CNOT6: variants seen among roughly 807,000 people sequenced by gnomAD.
The protein encoded by CNOT6 is CCR4-NOT transcription complex subunit 6, also known as carbon catabolite repression 4 protein.
A neutral mutation model predicts 61.2 loss-of-function variants in CNOT6; 12 were observed. The observed-to-expected ratio is 0.20, with a 90% confidence interval of 0.13 to 0.32. The LOEUF (loss-of-function observed/expected upper bound fraction) is 0.32, where lower values mean the gene tolerates loss of function less well. Ranked by LOEUF, CNOT6 falls within the 10% of genes least tolerant of loss-of-function variation. CNOT6 has a pLI of 1.00. For synonymous variants in CNOT6, 225 were observed against 240.6 expected (o/e 0.94, Z 0.60); for missense variants, 405 against 663.9 (o/e 0.61, Z 4.28).
At chr5:180,552,790 C>G (rs1759689626) in intron 3 of CNOT6, among the ~76,000 whole-genome samples, 1 of 152,020 alleles carries the variant, frequency 6.6e-6, no homozygotes, top group South Asian at 2.1e-4. Flanking sequence ...ATTATCTCTG[C>G]AAAACAAATC....
At chr5:180,516,215 T>C (rs1003865692) in intron 1 of CNOT6, among the ~76,000 whole-genome samples, 1 of 145,602 alleles carries the variant, frequency 6.9e-6, no homozygotes, top group Non-Finnish European at 1.5e-5. Context: ...GGAGACTTGC[T>C]CAGTCACCAG....
At chr5:180,552,437 C>A (rs113317605) in intron 3 of CNOT6, among the ~76,000 whole-genome samples, 1 of 151,360 alleles carries the variant, frequency 6.6e-6, no homozygotes, top group Non-Finnish European at 1.5e-5. Context: ...GTCTGGAGAT[C>A]GAGACCATCC....
chr5:180,528,992 T>C (rs1266023553), intron 1 of CNOT6, among the ~76,000 whole-genome samples: 1 of 151,998 alleles, frequency 6.6e-6, no homozygotes, highest in African/African-American at 2.4e-5. Context: ...GGGCGGATCA[T>C]GAGGTCAGGA....
intron 2 of CNOT6, among the ~76,000 whole-genome samples, chr5:180,549,636 G>C (rs143266454): frequency 6.6e-6 from 1 of 151,552 alleles, no homozygotes; most frequent in Non-Finnish European, 1.5e-5. Context: ...GCAACAGAGC[G>C]AGACTCCGTT....
At chr5:180,537,178 A>T (rs1404231390) in intron 2 of CNOT6, among the ~76,000 whole-genome samples, 1 of 152,218 alleles carries the variant, frequency 6.6e-6, no homozygotes, top group Non-Finnish European at 1.5e-5. Flanking sequence ...ACGAGGCATG[A>T]TTGCTGAATT....
At chr5:180,501,401 C>T (rs1465608903) in intron 1 of CNOT6, among the ~76,000 whole-genome samples, 2 of 152,094 alleles carry the variant, frequency 1.3e-5, no homozygotes, top group Non-Finnish European at 2.9e-5. Context: ...CAGATTTGGA[C>T]GAGGAAAGTA....
chr5:180,549,768 G>A (rs1759503672), intron 2 of CNOT6, among the ~76,000 whole-genome samples, 163 bp from the exon 3 acceptor site: 1 of 152,116 alleles, frequency 6.6e-6, no homozygotes, highest in South Asian at 2.1e-4. Context: ...CTTAATCATA[G>A]CAATGAATCG....
intron 1 of CNOT6, among the ~76,000 whole-genome samples, chr5:180,518,171 G>A (rs1002763711): frequency 6.6e-6 from 1 of 152,110 alleles, no homozygotes. Flanking sequence ...ATTTCATTGT[G>A]ATTATGATTC....
At chr5:180,520,996 C>CA (rs2127713205) in intron 1 of CNOT6, among the ~76,000 whole-genome samples, 1 of 152,040 alleles carries the variant, frequency 6.6e-6, no homozygotes, top group Admixed American at 6.6e-5. Context: ...GGGCACCCGC[C>CA]ACCACACCCA....
Position 180,574,058 on chromosome 5 carries a change from A to G in CNOT6, c.1532A>G (p.His511Arg), listed in dbSNP as rs746692785. 1 of 1,613,934 alleles carries G rather than the reference A, an allele frequency of 6.2e-7. No homozygotes were observed. Among genetic ancestry groups the G allele is most frequent in the African/African-American group, 1.3e-5 (1 of 74,914 alleles). The change falls in exon 12 of 12, where the codon CAC (histidine) becomes CGC (arginine). Residue 511 changes from histidine (H) to arginine (R), a missense_variant. This residue lies in a region of CNOT6 where 52 missense variants were observed against 69.3 expected (regional missense o/e 0.75). Coordinates refer to ENST00000261951, the MANE Select transcript of CNOT6 (RefSeq NM_001370472.1). ...TTAGGCATCCTGGGCCCTCTGGACC[A>G]CCACTGGCTGGTTGAGAATAACATC... ...NTLGILGPLD[H>R]HWLVENNISG...
At chr5:180,543,316 C>T (rs1293241302) in intron 2 of CNOT6, among the ~76,000 whole-genome samples, 1 of 149,496 alleles carries the variant, frequency 6.7e-6, no homozygotes, top group Non-Finnish European at 1.5e-5. Context: ...ACCTCGGCCT[C>T]CCAAAGTGCT....
At chr5:180,516,182 A>G (rs1581485228) in intron 1 of CNOT6, among the ~76,000 whole-genome samples, 1 of 137,952 alleles carries the variant, frequency 7.2e-6, no homozygotes, top group African/African-American at 2.7e-5. Flanking sequence ...AAAATTCAGG[A>G]TTTTTTTTTT....
intron 1 of CNOT6, among the ~76,000 whole-genome samples, chr5:180,517,604 C>T (rs1757697357): frequency 6.6e-6 from 1 of 151,346 alleles, no homozygotes; most frequent in Admixed American, 6.6e-5. Context: ...AGTGCAGTGG[C>T]GCGATCTTGG....
rs554570000 is a variant in CNOT6 at position 180,531,180 on chromosome 5, C to T, written c.112+1792C>T. On this transcript the variant is annotated intron_variant, in intron 2 of 11. Coordinates refer to ENST00000261951, the MANE Select transcript of CNOT6 (RefSeq NM_001370472.1). Reference sequence around the variant, plus strand: ...CCCCCCACCTCCCTCCCAGCTGGGGCGGCTGGCCGGGGCGGCTGCCAGGCA... The same window carrying T: ...CCCCCCACCTCCCTCCCAGCTGGGGTGGCTGGCCGGGGCGGCTGCCAGGCA... 1.6e-3 allele frequency among the ~76,000 whole-genome samples: 205 copies of T among 131,060 alleles called. 1 individual carries two copies. Among genetic ancestry groups the T allele is most frequent in the African/African-American group, 5.6e-3 (195 of 35,016 alleles). 86.0% of individuals were successfully genotyped at this position (131,060 alleles called of 152,430 possible).
chr5:180,497,037 T>C (rs1756641065), intron 1 of CNOT6, among the ~76,000 whole-genome samples: 1 of 152,170 alleles, frequency 6.6e-6, no homozygotes, highest in African/African-American at 2.4e-5. Flanking sequence ...TTTAAAAGTA[T>C]GCATTTTATG....
chr5:180,501,096 T>C (rs1254797540), intron 1 of CNOT6, among the ~76,000 whole-genome samples: 1 of 152,138 alleles, frequency 6.6e-6, no homozygotes, highest in African/African-American at 2.4e-5. Flanking sequence ...AGATTTCCTG[T>C]ATATGATAGA....
chr5:180,561,232 A>C (rs1760166385), intron 4 of CNOT6, among the ~76,000 whole-genome samples: 2 of 152,162 alleles, frequency 1.3e-5, no homozygotes, highest in Admixed American at 1.3e-4. Flanking sequence ...GATTATAGGC[A>C]TGAGCCACTG....
chr5:180,519,635 G>A (rs1757793907), intron 1 of CNOT6, among the ~76,000 whole-genome samples: 7 of 151,942 alleles, frequency 4.6e-5, no homozygotes. Flanking sequence ...TTAATATATT[G>A]AATATTTCCA....
chr5:180,528,600 C>T (rs1758207260), intron 1 of CNOT6, among the ~76,000 whole-genome samples: 1 of 152,154 alleles, frequency 6.6e-6, no homozygotes, highest in South Asian at 2.1e-4. Context: ...TAGGCGTGAG[C>T]CACCATGCCT....
Sources: allele counts gnomAD v4.1 joint callset (sites outside exome capture counted in the v4.1 genomes callset), GRCh38; gene constraint gnomAD v4.1.1; regional missense constraint gnomAD v4.1.1; transcripts MANE v1.5; gene names NCBI Gene and HGNC (gene_info 2026-07-23, HGNC 2026-07-21).